ZDHHC21: variants seen among roughly 807,000 people sequenced by gnomAD.
ZDHHC21 encodes palmitoyltransferase ZDHHC21.
In ZDHHC21, 15 loss-of-function variants were observed where a neutral mutation model predicts 34.6. That is an observed-to-expected ratio of 0.43 (90% CI 0.29 to 0.67). The LOEUF (loss-of-function observed/expected upper bound fraction) is 0.67. Among genes scored for constraint, ZDHHC21 ranks in the 30% least tolerant of loss-of-function variants. The pLI is 0.14. For synonymous variants in ZDHHC21, 142 were observed against 101.8 expected (o/e 1.40, Z -2.38); for missense variants, 344 against 327.7 (o/e 1.05, Z -0.38).
the ZDHHC21 span, among the ~76,000 whole-genome samples, chr9:14,600,642 A>G: frequency 4.7e-4 from 71 of 152,284 alleles, no homozygotes; most frequent in African/African-American, 1.6e-3. Context: ...GAACTAGAAA[A>G]TACTACTTTA....
chr9:14,676,692 A>G (rs1439209924), intron 3 of ZDHHC21, among the ~76,000 whole-genome samples: 1 of 151,996 alleles, frequency 6.6e-6, no homozygotes. Flanking sequence ...ATTAAAATGA[A>G]GAAAGTCAGA....
At chr9:14,682,951 G>A (rs919643334) in intron 2 of ZDHHC21, among the ~76,000 whole-genome samples, 2 of 152,126 alleles carry the variant, frequency 1.3e-5, no homozygotes, top group South Asian at 2.1e-4. Context: ...GGTACATAAC[G>A]AAATGAAGGC....
rs1823821258 is a variant in ZDHHC21 at position 14,614,328 on chromosome 9, T to C, written c.*4638A>G. On this transcript the variant is annotated 3_prime_UTR_variant, in exon 10 of 10. Transcript: ENST00000380916. ...CTTTTTAAAATACCATTGTTATTTC[T>C]GTTTCAAATTAGCAGGCAGTATTGT... 1 of 151,772 alleles carries C rather than the reference T, an allele frequency of 6.6e-6. No individual in the cohort carries two copies. Among genetic ancestry groups the C allele is most frequent in the African/African-American group, 2.4e-5 (1 of 41,418 alleles). The allele number at this position is 151,772 out of a possible 1,614,324, so 9.4% of individuals were successfully genotyped here.
In ZDHHC21 at chr9:14,674,509, A is replaced by G. The variant is rs929521387; in HGVS notation, c.-45-124T>C. 10 of 536,816 alleles carry G rather than the reference A, an allele frequency of 1.9e-5. No individual in the cohort carries two copies. The African/African-American group carries it at 2.0e-4, about 11-fold the overall frequency. 33.3% of individuals were successfully genotyped at this position (536,816 alleles called of 1,614,324 possible). ...TGCATATTTGACATTTTCTTTCTGT[A>G]GTTGATATATTTATTGATATTTCTT... is the stretch of plus-strand genomic sequence containing the variant. On this transcript the variant is annotated intron_variant, in intron 3 of 9. Transcript: ENST00000380916.
the ZDHHC21 span, among the ~76,000 whole-genome samples, chr9:14,594,363 A>C: frequency 6.6e-6 from 1 of 152,258 alleles, no homozygotes; most frequent in Non-Finnish European, 1.5e-5. Flanking sequence ...TATAACGATA[A>C]GAACAACAGA....
chr9:14,606,859 T>C (rs951810924), downstream of ZDHHC21, among the ~76,000 whole-genome samples: 3 of 152,026 alleles, frequency 2.0e-5, no homozygotes, highest in South Asian at 2.1e-4. Context: ...AAACCAGACG[T>C]TCACCTCTAT....
intron 7 of ZDHHC21, among the ~76,000 whole-genome samples, chr9:14,646,386 A>C (rs934786465): frequency 1.3e-5 from 2 of 152,214 alleles, no homozygotes; most frequent in African/African-American, 4.8e-5. Context: ...AATACAGAAT[A>C]TAAAAATACT....
intron 8 of ZDHHC21, among the ~76,000 whole-genome samples, chr9:14,633,223 A>T (rs10756589): frequency 0.99 from 150,504 of 152,274 alleles, 74,386 homozygotes; most frequent in East Asian, 1. Context: ...AACACTGGAA[A>T]TCAACAGAGA....
chr9:14,645,558 C>T (rs1277127831), intron 7 of ZDHHC21, among the ~76,000 whole-genome samples: 1 of 151,700 alleles, frequency 6.6e-6, no homozygotes, highest in Non-Finnish European at 1.5e-5. Flanking sequence ...ATAAACTGAA[C>T]CCAAAAAACA....
the ZDHHC21 span, among the ~76,000 whole-genome samples, chr9:14,602,971 A>T: frequency 6.7e-6 from 1 of 149,180 alleles, no homozygotes; most frequent in Non-Finnish European, 1.5e-5. Context: ...AATTTCATTC[A>T]TGCGAAATTC....
chr9:14,649,706 A>G lies in ZDHHC21; in HGVS notation c.504+9043T>C, dbSNP rs147073510. ...TTATCTACTAAATTTTGGTAATCAT[A>G]TGTATGCAATTGTCTTACAGAGCGT... On this transcript the variant is annotated intron_variant, in intron 7 of 9. Transcript: ENST00000380916. 4.4e-3 allele frequency among the ~76,000 whole-genome samples: 676 copies of G among 152,196 alleles called. 7 individuals carry two copies. Among genetic ancestry groups the G allele is most frequent in the Middle Eastern group, 0.014 (4 of 294 alleles).
intron 5 of ZDHHC21, among the ~76,000 whole-genome samples, chr9:14,670,171 T>C (rs1217869506): frequency 6.6e-6 from 1 of 152,130 alleles, no homozygotes; most frequent in African/African-American, 2.4e-5. Context: ...ATAAACACGG[T>C]GTATTCATTA....
intron 3 of ZDHHC21, among the ~76,000 whole-genome samples, chr9:14,679,501 T>C (rs1335847137): frequency 2.0e-5 from 3 of 152,090 alleles, no homozygotes; most frequent in African/African-American, 7.2e-5. Context: ...AAGAAAAGAC[T>C]GCAAGAAAAC....
intron 3 of ZDHHC21, among the ~76,000 whole-genome samples, chr9:14,679,246 G>C (rs533932651): frequency 8.5e-5 from 13 of 152,216 alleles, no homozygotes; most frequent in African/African-American, 3.1e-4. Context: ...ACTTTGAAAT[G>C]AATCCCCCAT....
chr9:14,623,631 C>T (rs1448362399), intron 8 of ZDHHC21, among the ~76,000 whole-genome samples: 20 of 105,906 alleles, frequency 1.9e-4, no homozygotes, highest in African/African-American at 6.4e-4. Flanking sequence ...ATAAGGAACA[C>T]AAACAACTCA....
chr9:14,660,785 T>C (rs1833247502), intron 6 of ZDHHC21, among the ~76,000 whole-genome samples: 2 of 152,140 alleles, frequency 1.3e-5, no homozygotes, highest in Non-Finnish European at 2.9e-5. Flanking sequence ...AAGTGAGTCT[T>C]TCCTAGTTCT....
the ZDHHC21 span, among the ~76,000 whole-genome samples, chr9:14,599,565 C>G: frequency 8.0e-5 from 12 of 149,526 alleles, no homozygotes; most frequent in South Asian, 2.5e-3. Flanking sequence ...TTTTTTTTTT[C>G]CCATACCCCA....
At chr9:14,606,273 C>T (rs1392892141), downstream of ZDHHC21, among the ~76,000 whole-genome samples, 1 of 152,184 alleles carries the variant, frequency 6.6e-6, no homozygotes, top group African/African-American at 2.4e-5. Context: ...AAGCTTGGGA[C>T]TACAGGTTTG....
the ZDHHC21 span, among the ~76,000 whole-genome samples, chr9:14,599,954 AC>A: frequency 6.6e-6 from 1 of 152,124 alleles, no homozygotes; most frequent in African/African-American, 2.4e-5. Flanking sequence ...AAATTTCAAT[AC>A]CCCTTCATGC....
Sources: gnomAD v4.1 joint callset for allele counts (sites outside exome capture counted in the v4.1 genomes callset) on GRCh38, gnomAD v4.1.1 for gene constraint, MANE v1.5 for transcripts, NCBI Gene and HGNC (gene_info 2026-07-23, HGNC 2026-07-21) for gene names.